Variants in CNTN5 observed in about 807,000 individuals in gnomAD.
The protein encoded by CNTN5 is contactin 5, also known as contactin-5.
In CNTN5, 77 loss-of-function variants were observed where a neutral mutation model predicts 129.1. The ratio of observed to expected loss-of-function variants is 0.60; its 90% confidence interval spans 0.50 to 0.72. The LOEUF is 0.72. Ranked by LOEUF, CNTN5 falls within the 30% of genes least tolerant of loss-of-function variation. CNTN5 has a pLI of 0.00. For missense variants in CNTN5, 1,478 were observed against 1,328.8 expected (o/e 1.11, Z -1.75); for synonymous variants, 509 against 465.6 (o/e 1.09, Z -1.20).
chr11:99,981,076 G>GAATATATATATA (rs1385717951), intron 8 of CNTN5, among the ~76,000 whole-genome samples: 17 of 12,326 alleles, frequency 1.4e-3, no homozygotes, highest in Non-Finnish European at 2.5e-3. Flanking sequence ...AGAGCCAATA[G>GAATATATATATA]GATATATATA....
At chr11:99,567,706 A>ATGTATTTGCACATTGTATC (rs1292329406) in intron 3 of CNTN5, among the ~76,000 whole-genome samples, 1 of 152,188 alleles carries the variant, frequency 6.6e-6, no homozygotes, top group Non-Finnish European at 1.5e-5. Flanking sequence ...AATTAAAATT[A>ATGTATTTGCACATTGTATC]TGTATTTGCA....
intron 15 of CNTN5, among the ~76,000 whole-genome samples, chr11:100,211,508 C>G (rs1041532671): frequency 1.3e-5 from 2 of 151,196 alleles, no homozygotes; most frequent in African/African-American, 4.9e-5. Flanking sequence ...TTACCAATGT[C>G]TTGGGAAAGA....
chr11:99,442,320 C>A (rs1168490896), intron 2 of CNTN5, among the ~76,000 whole-genome samples: 2 of 152,106 alleles, frequency 1.3e-5, no homozygotes, highest in Non-Finnish European at 2.9e-5. Flanking sequence ...CAGGCATGTG[C>A]CACCATGCCC....
At chr11:99,578,998 A>T (rs1045245743) in intron 3 of CNTN5, among the ~76,000 whole-genome samples, 5 of 151,828 alleles carry the variant, frequency 3.3e-5, no homozygotes, top group African/African-American at 1.2e-4. Context: ...ATCTTGAGTT[A>T]ATTTTTGTAT....
intron 2 of CNTN5, among the ~76,000 whole-genome samples, chr11:99,438,862 C>A (rs1943702389): frequency 6.6e-6 from 1 of 152,106 alleles, no homozygotes; most frequent in East Asian, 1.9e-4. Context: ...GCTTCAGGAC[C>A]AAGTTAACTC....
At chr11:99,586,354 C>G (rs987796892) in intron 3 of CNTN5, among the ~76,000 whole-genome samples, 6 of 152,144 alleles carry the variant, frequency 3.9e-5, no homozygotes. Flanking sequence ...CATAACTCAG[C>G]ATAATGGCTA....
intron 18 of CNTN5, among the ~76,000 whole-genome samples, chr11:100,283,245 G>A (rs1172577346): frequency 6.6e-6 from 1 of 152,150 alleles, no homozygotes; most frequent in African/African-American, 2.4e-5. Flanking sequence ...TCTGAAAAGA[G>A]GGCTTCACAA....
chr11:99,837,173 GCT>G (rs1947333937), intron 4 of CNTN5, among the ~76,000 whole-genome samples: 1 of 152,130 alleles, frequency 6.6e-6, no homozygotes, highest in African/African-American at 2.4e-5. Context: ...CGATGGAGTT[GCT>G]CTGTTTCAAA....
At chr11:99,931,353 C>T (rs1950187868) in intron 7 of CNTN5, among the ~76,000 whole-genome samples, 2 of 152,072 alleles carry the variant, frequency 1.3e-5, no homozygotes, top group Admixed American at 6.6e-5. Context: ...ACAAAGCAAA[C>T]ACTTCAATAT....
chr11:100,292,853 C>G (rs643978), intron 18 of CNTN5, among the ~76,000 whole-genome samples: 123,063 of 151,840 alleles, frequency 0.81, 50,420 homozygotes, highest in East Asian at 0.95. Flanking sequence ...ACATGTGACT[C>G]ATTCCAAGTT....
At chr11:99,137,468 A>G (rs2135451997) in intron 1 of CNTN5, among the ~76,000 whole-genome samples, 1 of 152,248 alleles carries the variant, frequency 6.6e-6, no homozygotes, top group Non-Finnish European at 1.5e-5. Flanking sequence ...CATGTCACGA[A>G]GGTAAGAAAA....
intron 16 of CNTN5, among the ~76,000 whole-genome samples, chr11:100,229,185 T>C (rs1197878853): frequency 6.9e-6 from 1 of 144,932 alleles, no homozygotes; most frequent in East Asian, 2.5e-4. Flanking sequence ...ATCAGCAGTT[T>C]ATTAGCTTTT....
intron 6 of CNTN5, among the ~76,000 whole-genome samples, chr11:99,877,547 G>T (rs1478528531): frequency 3.3e-5 from 5 of 151,928 alleles, no homozygotes; most frequent in African/African-American, 1.2e-4. Context: ...ATTTATATCT[G>T]CATTTCCAAT....
chr11:100,098,375 T>C (rs1414652474), intron 13 of CNTN5, among the ~76,000 whole-genome samples: 1 of 152,086 alleles, frequency 6.6e-6, no homozygotes, highest in East Asian at 1.9e-4. Flanking sequence ...AAAATATGAA[T>C]AATATTAAGA....
intron 2 of CNTN5, among the ~76,000 whole-genome samples, chr11:99,554,691 A>G (rs541018348): frequency 6.6e-5 from 10 of 152,234 alleles, no homozygotes; most frequent in African/African-American, 2.2e-4. Flanking sequence ...GGTCAATTTA[A>G]TCATGAATTG....
chr11:99,345,876 A>G (rs1466299430), intron 2 of CNTN5, among the ~76,000 whole-genome samples: 1 of 152,184 alleles, frequency 6.6e-6, no homozygotes, highest in Non-Finnish European at 1.5e-5. Context: ...CCCAAAGGTA[A>G]GAGTAAGTAG....
intron 6 of CNTN5, among the ~76,000 whole-genome samples, chr11:99,906,360 A>G (rs117000268): frequency 6.6e-6 from 1 of 152,072 alleles, no homozygotes; most frequent in Non-Finnish European, 1.5e-5. Flanking sequence ...TGGGGTGTTG[A>G]ATTTTGTTGA....
chr11:99,155,896 C>G (rs1207692533), intron 1 of CNTN5, among the ~76,000 whole-genome samples: 1 of 151,810 alleles, frequency 6.6e-6, no homozygotes, highest in African/African-American at 2.4e-5. Flanking sequence ...GAAATCTGTA[C>G]CAAAGAGGAA....
At chr11:99,252,956 CT>C (rs10708929) in intron 1 of CNTN5, among the ~76,000 whole-genome samples, 114,444 of 143,702 alleles carry the variant, frequency 0.8, 45,754 homozygotes, top group Middle Eastern at 0.89. Context: ...TCTTAAATCT[CT>C]TTTTTTTTTT....
Sources: allele counts gnomAD v4.1 joint callset (sites outside exome capture counted in the v4.1 genomes callset), GRCh38; gene constraint gnomAD v4.1.1; transcripts MANE v1.5; gene names NCBI Gene and HGNC (gene_info 2026-07-23, HGNC 2026-07-21).